The following ADCY2 variants were observed in gnomAD, a reference collection of about 807,000 sequenced individuals.
ADCY2 encodes adenylate cyclase 2, also known as adenylate cyclase type 2.
Under a neutral mutation model 125.2 loss-of-function variants are expected in ADCY2, and 31 were observed. The ratio of observed to expected loss-of-function variants is 0.25; its 90% CI spans 0.19 to 0.33. ADCY2 has a LOEUF of 0.33. Ranked by LOEUF, ADCY2 falls within the 10% of genes least tolerant of loss-of-function variation. The pLI, the probability that ADCY2 is intolerant of heterozygous loss-of-function variation, is 1.00. For missense variants in ADCY2, 904 were observed against 1,418.2 expected (o/e 0.64, Z 5.82); for synonymous variants, 512 against 548.4 (o/e 0.93, Z 0.93).
At chr5:7,672,235 A>G (rs961700352) in intron 4 of ADCY2, among the ~76,000 whole-genome samples, 13 of 152,260 alleles carry the variant, frequency 8.5e-5, no homozygotes, top group African/African-American at 2.7e-4. Context: ...ATTGTAAAGT[A>G]CAACATGTTA....
At chr5:7,736,472 C>A (rs1334033562) in intron 14 of ADCY2, among the ~76,000 whole-genome samples, 1 of 152,114 alleles carries the variant, frequency 6.6e-6, no homozygotes, top group Admixed American at 6.6e-5. Context: ...ATAGTCAGCT[C>A]TATTAGTAAC....
intron 4 of ADCY2, among the ~76,000 whole-genome samples, chr5:7,628,985 G>T (rs1738221640): frequency 1.3e-5 from 2 of 152,304 alleles, no homozygotes; most frequent in African/African-American, 4.8e-5. Context: ...GGTTCCTTGT[G>T]TCACTTCCTG....
At chr5:7,425,191 G>A (rs1740344071) in intron 2 of ADCY2, among the ~76,000 whole-genome samples, 1 of 152,214 alleles carries the variant, frequency 6.6e-6, no homozygotes, top group African/African-American at 2.4e-5. Context: ...TGTGAGTGGG[G>A]TCTGGGATTT....
rs1454797391 is a variant in ADCY2, at chr5:7,702,861, C to G, written c.1110-3883C>G. ...TCCCACCAACAGTGTAAAAGTGTTCCTATTTCTCCACGTCCTCTCCAGCAC... is the reference window on the plus strand; with the variant it reads ...TCCCACCAACAGTGTAAAAGTGTTCGTATTTCTCCACGTCCTCTCCAGCAC... On this transcript the variant is annotated intron_variant, in intron 7 of 24. Transcript: ENST00000338316. Among the ~76,000 whole-genome samples, 8 of 152,280 alleles carry G rather than the reference C, an allele frequency of 5.3e-5. No individual in the cohort carries two copies. The East Asian group carries it at 1.4e-3, about 26-fold the overall frequency.
At chr5:7,737,730 A>G (rs539289046) in intron 14 of ADCY2, among the ~76,000 whole-genome samples, 1 of 152,324 alleles carries the variant, frequency 6.6e-6, no homozygotes, top group South Asian at 2.1e-4. Context: ...AATATGAAGG[A>G]AACCACATGT....
chr5:7,678,890 C>T (rs552377257), intron 4 of ADCY2, among the ~76,000 whole-genome samples: 69 of 152,310 alleles, frequency 4.5e-4, no homozygotes, highest in African/African-American at 1.6e-3. Flanking sequence ...TCAGTGAAAT[C>T]TTATTCAAAG....
At position 7,414,821 on chromosome 5, in the gene ADCY2, ATACT is replaced by A. The variant is rs1173702256; in HGVS notation, c.408+54_408+57del. On this transcript the variant is annotated intron_variant, in intron 2 of 24. Coordinates refer to ENST00000338316, the MANE Select transcript of ADCY2 (RefSeq NM_020546.3). ...CTTCTTTTATGTCTTGATTTGTGAC[ATACT>A]TAGTTCTGTAAACAACTTGGCCTTA... 2.6e-6 allele frequency: 4 copies of A among 1,511,504 alleles called. No homozygotes were observed. The South Asian group carries it at 5.1e-5, about 19-fold the overall frequency. 93.6% of individuals were successfully genotyped at this position (1,511,504 alleles called of 1,614,324 possible). A position where few individuals can be genotyped will look rare whatever the true frequency, so the allele number is the denominator to read the frequency against.
At chr5:7,704,679 A>G (rs1579336202) in intron 7 of ADCY2, among the ~76,000 whole-genome samples, 1 of 152,196 alleles carries the variant, frequency 6.6e-6, no homozygotes, top group East Asian at 1.9e-4. Context: ...GGACATCGAG[A>G]CCATCCTAGC....
At chr5:7,445,302 G>C (rs114284787) in intron 2 of ADCY2, among the ~76,000 whole-genome samples, 3,886 of 152,254 alleles carry the variant, frequency 0.026, 71 homozygotes, top group Middle Eastern at 0.061. Context: ...TGGCTACCCA[G>C]CTGGCCCAGT....
chr5:7,401,785 A>C (rs1739272486), intron 1 of ADCY2, among the ~76,000 whole-genome samples: 1 of 152,188 alleles, frequency 6.6e-6, no homozygotes, highest in African/African-American at 2.4e-5. Context: ...CTAAAAATGG[A>C]ACAACACTGT....
At chr5:7,432,589 C>T (rs767423466) in intron 2 of ADCY2, among the ~76,000 whole-genome samples, 3 of 152,210 alleles carry the variant, frequency 2.0e-5, no homozygotes, top group Non-Finnish European at 2.9e-5. Context: ...CCAGCTGGCA[C>T]GGAAGTAGCT....
intron 17 of ADCY2, among the ~76,000 whole-genome samples, chr5:7,769,061 A>G (rs1156238033): frequency 6.6e-6 from 1 of 152,238 alleles, no homozygotes; most frequent in African/African-American, 2.4e-5. Context: ...GCTGAGAAGC[A>G]TGCCCAGTTC....
intron 23 of ADCY2, among the ~76,000 whole-genome samples, chr5:7,817,888 G>A (rs996999133): frequency 6.8e-6 from 1 of 146,458 alleles, no homozygotes; most frequent in African/African-American, 2.5e-5. Context: ...AAGGCTTCCT[G>A]ATTTCTAAAT....
intron 2 of ADCY2, among the ~76,000 whole-genome samples, chr5:7,446,376 C>G (rs1341055838): frequency 3.9e-5 from 6 of 152,050 alleles, no homozygotes. Context: ...TGTGTGATAT[C>G]AAATTCTAAC....
chr5:7,498,556 C>A (rs1478794182), intron 2 of ADCY2, among the ~76,000 whole-genome samples: 1 of 152,102 alleles, frequency 6.6e-6, no homozygotes, highest in Non-Finnish European at 1.5e-5. Flanking sequence ...CCAAGTAAAA[C>A]TCTTATACAA....
intron 2 of ADCY2, among the ~76,000 whole-genome samples, chr5:7,430,363 T>G (rs979298409): frequency 1.3e-5 from 2 of 151,828 alleles, no homozygotes; most frequent in Non-Finnish European, 2.9e-5. Context: ...GGGGCCACCA[T>G]TACTCTGATA....
At chr5:7,768,721 A>T (rs1743468935) in intron 17 of ADCY2, among the ~76,000 whole-genome samples, 1 of 152,204 alleles carries the variant, frequency 6.6e-6, no homozygotes, top group African/African-American at 2.4e-5. Context: ...GGCAACATTT[A>T]CTCAACCTTT....
At chr5:7,776,398 C>T (rs1268918249) in intron 18 of ADCY2, among the ~76,000 whole-genome samples, 13 of 152,104 alleles carry the variant, frequency 8.5e-5, no homozygotes, top group Non-Finnish European at 1.8e-4. Context: ...CTGGGCGCCA[C>T]ATTCTTGCCT....
Position 7,499,648 on chromosome 5 carries a change from G to GATATATATATAT in ADCY2, c.409-21067_409-21056dup, listed in dbSNP as rs70940741. Among the ~76,000 whole-genome samples the GATATATATATAT allele has an allele frequency of 2.7e-3, 318 of 118,316 alleles. 1 individual carries two copies. Among genetic ancestry groups the GATATATATATAT allele is most frequent in the Non-Finnish European group, 4.1e-3 (237 of 58,230 alleles). 77.6% of individuals were successfully genotyped at this position (118,316 alleles called of 152,430 possible). On this transcript the variant is annotated intron_variant, in intron 2 of 24. Coordinates refer to ENST00000338316, the MANE Select transcript of ADCY2 (RefSeq NM_020546.3). ...CTAAAGAAGTACATATATGTGGGTG[G>GATATATATATAT]ATATATATATATATATATATATATA... is the stretch of plus-strand genomic sequence containing the variant.
Sources: allele counts gnomAD v4.1 joint callset (sites outside exome capture counted in the v4.1 genomes callset), GRCh38; gene constraint gnomAD v4.1.1; transcripts MANE v1.5; gene names NCBI Gene and HGNC (gene_info 2026-07-23, HGNC 2026-07-21).